The following TASP1 variants were observed in gnomAD, a reference collection of about 807,000 sequenced individuals.
TASP1 encodes threonine aspartase 1.
In TASP1, 16 loss-of-function variants were observed where a neutral mutation model predicts 56.6. The observed-to-expected ratio is 0.28, with a 90% confidence interval of 0.19 to 0.43. The LOEUF (loss-of-function observed/expected upper bound fraction) is 0.43, where lower values mean the gene tolerates loss of function less well. Ranked by LOEUF, TASP1 falls within the 20% of genes least tolerant of loss-of-function variation. The probability of loss-of-function intolerance (pLI) is 1.00; values close to 1 mark genes in which losing one functional copy is unlikely to be tolerated. For synonymous variants in TASP1, 179 were observed against 184.2 expected (o/e 0.97, Z 0.23); for missense variants, 393 against 511.6 (o/e 0.77, Z 2.24).
chr20:13,313,524 C>G, the TASP1 span, among the ~76,000 whole-genome samples: 1,407 of 152,332 alleles, frequency 9.2e-3, 26 homozygotes, highest in Middle Eastern at 0.014. Flanking sequence ...TTCCACCACA[C>G]AGCAGGGCTG....
At chr20:13,361,289 T>C in the TASP1 span, among the ~76,000 whole-genome samples, 4 of 152,204 alleles carry the variant, frequency 2.6e-5, no homozygotes, top group African/African-American at 7.2e-5. Flanking sequence ...ACCGCAGTCA[T>C]TTCTTCCGTT....
chr20:13,141,932 C>G, the TASP1 span, among the ~76,000 whole-genome samples: 3 of 152,176 alleles, frequency 2.0e-5, no homozygotes, highest in Non-Finnish European at 4.4e-5. Flanking sequence ...GACATTGCCT[C>G]TCTGCCTTGC....
chr20:13,447,438 C>A (rs2043452156), intron 11 of TASP1, among the ~76,000 whole-genome samples: 1 of 152,108 alleles, frequency 6.6e-6, no homozygotes, highest in Admixed American at 6.6e-5. Flanking sequence ...TTGTTTGGGG[C>A]AGAAAAGTGC....
the TASP1 span, among the ~76,000 whole-genome samples, chr20:13,184,180 A>T: frequency 6.6e-6 from 1 of 152,204 alleles, no homozygotes; most frequent in Non-Finnish European, 1.5e-5. Context: ...GCAATAAATA[A>T]GACAGATCAA....
the TASP1 span, among the ~76,000 whole-genome samples, chr20:13,331,903 T>C: frequency 1.3e-5 from 2 of 152,190 alleles, no homozygotes; most frequent in African/African-American, 4.8e-5. Context: ...GACAGGTCTC[T>C]GGTTTTCAGT....
At chr20:13,288,554 G>A in the TASP1 span, 22 of 1,613,712 alleles carry the variant, frequency 1.4e-5, no homozygotes, top group South Asian at 6.6e-5. Flanking sequence ...CACAGATGGC[G>A]AGGGTGACTG....
intron 7 of TASP1, among the ~76,000 whole-genome samples, chr20:13,560,838 T>C (rs1363305623): frequency 6.6e-6 from 1 of 152,130 alleles, no homozygotes; most frequent in African/African-American, 2.4e-5. Context: ...TGATGAAAGA[T>C]ATGAACACCC....
chr20:13,638,332 C>T (rs1468565497), intron 1 of TASP1, among the ~76,000 whole-genome samples: 2 of 152,062 alleles, frequency 1.3e-5, no homozygotes, highest in Non-Finnish European at 2.9e-5. Flanking sequence ...ACGATACCCT[C>T]GATTTCCAGG....
chr20:13,235,951 G>A, the TASP1 span, among the ~76,000 whole-genome samples: 32 of 151,452 alleles, frequency 2.1e-4, no homozygotes, highest in Non-Finnish European at 4.3e-4. Flanking sequence ...TTGAAATGGA[G>A]TCTCATTGTG....
chr20:13,326,750 T>A, the TASP1 span, among the ~76,000 whole-genome samples: 1 of 152,122 alleles, frequency 6.6e-6, no homozygotes, highest in Non-Finnish European at 1.5e-5. Context: ...AGGCCTTCAA[T>A]AAAATTCAAC....
At chr20:13,195,521 G>A in the TASP1 span, among the ~76,000 whole-genome samples, 15 of 152,278 alleles carry the variant, frequency 9.9e-5, no homozygotes, top group African/African-American at 2.2e-4. Context: ...TCATTCTGGC[G>A]TGTTTTTCAC....
chr20:13,619,118 C>T (rs538670689), intron 4 of TASP1, among the ~76,000 whole-genome samples: 1 of 152,234 alleles, frequency 6.6e-6, no homozygotes, highest in Non-Finnish European at 1.5e-5. Flanking sequence ...CATGATCCAT[C>T]CGCTTCGGCC....
the TASP1 span, among the ~76,000 whole-genome samples, chr20:13,268,857 G>A: frequency 6.6e-6 from 1 of 152,174 alleles, no homozygotes; most frequent in South Asian, 2.1e-4. Context: ...TGAGGTTGTA[G>A]TGAGCTCAGT....
the TASP1 span, among the ~76,000 whole-genome samples, chr20:13,115,323 A>G: frequency 3.9e-5 from 6 of 152,170 alleles, no homozygotes; most frequent in Non-Finnish European, 8.8e-5. Context: ...TGTGCCCTGC[A>G]TTAACTCCAA....
chr20:13,123,150 G>A, the TASP1 span, among the ~76,000 whole-genome samples: 1 of 152,076 alleles, frequency 6.6e-6, no homozygotes, highest in Non-Finnish European at 1.5e-5. Context: ...GGCCAACATG[G>A]TGAAACCCCA....
At chr20:13,283,111 G>C in the TASP1 span, among the ~76,000 whole-genome samples, 1 of 152,124 alleles carries the variant, frequency 6.6e-6, no homozygotes, top group Non-Finnish European at 1.5e-5. Context: ...TGCGATCATA[G>C]CTCACTGAAG....
chr20:13,109,402 G>A, the TASP1 span, among the ~76,000 whole-genome samples: 1 of 152,122 alleles, frequency 6.6e-6, no homozygotes, highest in African/African-American at 2.4e-5. Flanking sequence ...TAGACCTCAG[G>A]CAGTTTACTC....
the TASP1 span, among the ~76,000 whole-genome samples, chr20:13,201,355 G>A: frequency 6.6e-6 from 1 of 152,100 alleles, no homozygotes; most frequent in Non-Finnish European, 1.5e-5. Context: ...GCGCTTTGGT[G>A]GTAGAAAATC....
chr20:13,246,274 A>G, the TASP1 span, among the ~76,000 whole-genome samples: 1 of 64,620 alleles, frequency 1.5e-5, no homozygotes, highest in Non-Finnish European at 2.9e-5. Flanking sequence ...CTCCATCTCA[A>G]AAAAAAAAAA....
Sources: gnomAD v4.1 joint callset for allele counts (sites outside exome capture counted in the v4.1 genomes callset) on GRCh38, gnomAD v4.1.1 for gene constraint, MANE v1.5 for transcripts, NCBI Gene and HGNC (gene_info 2026-07-23, HGNC 2026-07-21) for gene names.